KRTAP6-2: variants seen among roughly 807,000 people sequenced by gnomAD.
KRTAP6-2 encodes keratin associated protein 6-2.
KRTAP6-2 carries 1 observed loss-of-function variant against 0.4 expected under a neutral mutation model. That is an observed-to-expected ratio of 2.37 (90% CI 0.84 to 11.25). KRTAP6-2 has a LOEUF of 11.25. KRTAP6-2 is among the 30% of genes most tolerant of loss of function. KRTAP6-2 has a pLI of 0.12. For missense variants in KRTAP6-2, 87 were observed against 82.0 expected (o/e 1.06, Z -0.23); for synonymous variants, 39 against 34.2 (o/e 1.14, Z -0.49).
chr21:30,598,828 C>A (rs749149510), exon 1 of KRTAP6-2: 1 of 1,614,004 alleles, frequency 6.2e-7, no homozygotes, highest in Non-Finnish European at 8.5e-7. Context: ...TCCACAGCAC[C>A]CATAGCCATG....
exon 1 of KRTAP6-2, chr21:30,598,648 G>A (rs757602416): frequency 1.2e-5 from 19 of 1,581,002 alleles, no homozygotes; most frequent in African/African-American, 4.0e-5. Flanking sequence ...GGTGAATCCC[G>A]ATGTCACAGG....
chr21:30,598,704 G>A lies in KRTAP6-2; in HGVS notation c.171C>T (p.Gly57=), dbSNP rs375895021. Reference sequence around the variant, plus strand: ...GGTGTCCTCAATAGTAGTAGCCAGAGCCGCATCCATAGCCACAGCCACAGA... The same window carrying A: ...GGTGTCCTCAATAGTAGTAGCCAGAACCGCATCCATAGCCACAGCCACAGA... Residue 57 remains glycine (G), a synonymous_variant, in exon 1 of 1, where the codon GGC becomes GGT. Coordinates refer to ENST00000334897, the Ensembl canonical transcript of KRTAP6-2. 4.5e-5 allele frequency: 72 copies of A among 1,613,510 alleles called. No individual in the cohort carries two copies. The African/African-American group carries it at 8.5e-4, about 19-fold the overall frequency.
chr21:30,598,628 G>C, exon 1 of KRTAP6-2: 5 of 1,557,888 alleles, frequency 3.2e-6, no homozygotes, highest in Non-Finnish European at 4.4e-6. Context: ...AGCATACGGG[G>C]TTCAGAATTG....
chr21:30,598,644 T>C, exon 1 of KRTAP6-2: 1 of 1,579,876 alleles, frequency 6.3e-7, no homozygotes, highest in Non-Finnish European at 8.6e-7. Context: ...AATTGGTGAA[T>C]CCCGATGTCA....
Position 30,598,718 on chromosome 21 carries a change from C to T in KRTAP6-2, c.157G>A (p.Gly53Ser), listed in dbSNP as rs765540989. 87 of 1,611,920 alleles carry T rather than the reference C, an allele frequency of 5.4e-5. 2 individuals are homozygous for T. The South Asian group carries it at 9.6e-4, about 18-fold the overall frequency. Residue 53 changes from glycine (G) to serine (S), a missense_variant, in exon 1 of 1, where the codon GGC becomes AGC. Transcript: ENST00000334897. ...TAGTAGCCAGAGCCGCATCCATAGCCACAGCCACAGAAGAAGCGGGAGCCG... is the reference window on the plus strand; with the variant it reads ...TAGTAGCCAGAGCCGCATCCATAGCTACAGCCACAGAAGAAGCGGGAGCCG...
chr21:30,598,683 T>C (rs1306165510), exon 1 of KRTAP6-2: 3 of 1,610,792 alleles, frequency 1.9e-6, no homozygotes, highest in Admixed American at 3.3e-5. Flanking sequence ...TCCCACGGTG[T>C]CCTCAATAGT....
exon 1 of KRTAP6-2, chr21:30,598,669 A>C (rs373668749): frequency 1.2e-6 from 2 of 1,603,894 alleles, no homozygotes; most frequent in Non-Finnish European, 1.7e-6. Flanking sequence ...ATAGAGGATG[A>C]GTCTCCCACG....
chr21:30,598,679 G>C, exon 1 of KRTAP6-2: 2 of 1,609,910 alleles, frequency 1.2e-6, no homozygotes, highest in Non-Finnish European at 1.7e-6. Flanking sequence ...AGTCTCCCAC[G>C]GTGTCCTCAA....
exon 1 of KRTAP6-2, chr21:30,598,726 C>G (rs750945573): frequency 6.2e-7 from 1 of 1,611,490 alleles, no homozygotes; most frequent in East Asian, 2.2e-5. Context: ...GCCACAGCCA[C>G]AGAAGAAGCG....
At chr21:30,598,800 A>G in exon 1 of KRTAP6-2, 1 of 1,613,192 alleles carries the variant, frequency 6.2e-7, no homozygotes, top group Non-Finnish European at 8.5e-7. Flanking sequence ...TTCCATAGCC[A>G]TAGCCTAGGC....
exon 1 of KRTAP6-2, chr21:30,598,784 G>A (rs113947796): frequency 9.3e-6 from 15 of 1,608,364 alleles, no homozygotes; most frequent in Middle Eastern, 3.3e-4. Context: ...TAGCCACAGC[G>A]CAGGCTTCCA....
exon 1 of KRTAP6-2, chr21:30,598,775 A>G: frequency 6.2e-7 from 1 of 1,605,422 alleles, no homozygotes; most frequent in Non-Finnish European, 8.5e-7. Context: ...CAGGAGCTAT[A>G]GCCACAGCGC....
rs562757758 is a variant in KRTAP6-2, at chr21:30,598,843, C to T, written c.32G>A (p.Gly11Asp). Residue 11 changes from glycine (G) to aspartate (D), a missense_variant, in exon 1 of 1, where the codon GGC (glycine) becomes GAC (aspartate). Coordinates refer to ENST00000334897, the Ensembl canonical transcript of KRTAP6-2. ...TCCACAGCACCCATAGCCATGGTCGCCGTAGTAGTTTCCGTAGTAGCTGCC... is the reference window on the plus strand; with the variant it reads ...TCCACAGCACCCATAGCCATGGTCGTCGTAGTAGTTTCCGTAGTAGCTGCC... 63 of 1,613,982 alleles carry T rather than the reference C, an allele frequency of 3.9e-5. 1 individual carries two copies. The South Asian group carries it at 6.7e-4, about 17-fold the overall frequency.
exon 1 of KRTAP6-2, chr21:30,598,613 C>G: frequency 3.3e-6 from 5 of 1,504,894 alleles, no homozygotes; most frequent in Non-Finnish European, 4.5e-6. Context: ...CAGCCCCGAG[C>G]TCAGAGCATA....
At chr21:30,598,607 C>T (rs1980239793) in exon 1 of KRTAP6-2, 1 of 1,478,270 alleles carries the variant, frequency 6.8e-7, no homozygotes, top group African/African-American at 1.4e-5. Flanking sequence ...TTCATCCAGC[C>T]CCGAGCTCAG....
At chr21:30,598,760 C>T (rs1343727014) in exon 1 of KRTAP6-2, 31 of 1,601,546 alleles carry the variant, frequency 1.9e-5, no homozygotes, top group Non-Finnish European at 2.5e-5. Flanking sequence ...TGACCATAGC[C>T]ACAGCAGGAG....
chr21:30,598,706 C>G (rs767130290), exon 1 of KRTAP6-2: 2 of 1,613,094 alleles, frequency 1.2e-6, no homozygotes, highest in Non-Finnish European at 1.7e-6. Context: ...TAGCCAGAGC[C>G]GCATCCATAG....
exon 1 of KRTAP6-2, chr21:30,598,743 G>A (rs2832955): frequency 2.5e-5 from 40 of 1,606,556 alleles, no homozygotes; most frequent in Middle Eastern, 1.7e-4. Flanking sequence ...AGCGGGAGCC[G>A]TAGCCATGAC....
At chr21:30,598,770 G>A in exon 1 of KRTAP6-2, 1 of 1,607,836 alleles carries the variant, frequency 6.2e-7, no homozygotes, top group Non-Finnish European at 8.5e-7. Flanking sequence ...CACAGCAGGA[G>A]CTATAGCCAC....
Sources: gnomAD v4.1 joint callset for allele counts on GRCh38, gnomAD v4.1.1 for gene constraint, MANE v1.5 for transcripts, NCBI Gene and HGNC (gene_info 2026-07-23, HGNC 2026-07-21) for gene names.